ALKBH1: variants seen among roughly 807,000 people sequenced by gnomAD.
ALKBH1 encodes alkB homolog 1, histone H2A dioxygenase.
Under a neutral mutation model 36.6 loss-of-function variants are expected in ALKBH1, and 31 were observed. The observed-to-expected ratio is 0.85, with a 90% CI of 0.64 to 1.14. ALKBH1 has a LOEUF of 1.14. Ranked by LOEUF, ALKBH1 falls within the 50% of genes most tolerant of loss-of-function variation. The pLI, the probability that ALKBH1 is intolerant of heterozygous loss-of-function variation, is 0.00. For synonymous variants in ALKBH1, 183 were observed against 186.6 expected (o/e 0.98, Z 0.16); for missense variants, 490 against 497.3 (o/e 0.99, Z 0.14).
chr14:77,704,045 T>C (rs1218366703), intron 2 of ALKBH1, among the ~76,000 whole-genome samples: 1 of 152,226 alleles, frequency 6.6e-6, no homozygotes, highest in African/African-American at 2.4e-5. Flanking sequence ...ATTACAATGA[T>C]AATGATAAAT....
At chr14:77,705,633 G>GT (rs1186156194) in intron 1 of ALKBH1, among the ~76,000 whole-genome samples, 1 of 152,154 alleles carries the variant, frequency 6.6e-6, no homozygotes, top group Non-Finnish European at 1.5e-5. Context: ...TTCTTTGTAT[G>GT]TGAGTATCTA....
chr14:77,702,220 G>C (rs2080363242), intron 2 of ALKBH1, among the ~76,000 whole-genome samples: 1 of 152,192 alleles, frequency 6.6e-6, no homozygotes, highest in South Asian at 2.1e-4. Context: ...AGAATTGCTT[G>C]AACCTGGGAG....
At chr14:77,691,150 A>T (rs1350815061) in intron 3 of ALKBH1, among the ~76,000 whole-genome samples, 1 of 152,056 alleles carries the variant, frequency 6.6e-6, no homozygotes, top group African/African-American at 2.4e-5. Context: ...TACGCCATTC[A>T]CTTTGGAAAA....
At chr14:77,701,439 G>A (rs532144147) in intron 2 of ALKBH1, among the ~76,000 whole-genome samples, 14 of 152,144 alleles carry the variant, frequency 9.2e-5, no homozygotes, top group Non-Finnish European at 1.6e-4. Context: ...CAGAACCTAC[G>A]CCTTAACCAC....
chr14:77,702,511 A>T (rs913667904), intron 2 of ALKBH1, among the ~76,000 whole-genome samples: 3 of 152,140 alleles, frequency 2.0e-5, no homozygotes, highest in African/African-American at 4.8e-5. Context: ...TGGCACAATG[A>T]AAACTAACAT....
chr14:77,703,287 T>C (rs902194764), intron 2 of ALKBH1, among the ~76,000 whole-genome samples: 3 of 151,532 alleles, frequency 2.0e-5, no homozygotes, highest in Non-Finnish European at 2.9e-5. Flanking sequence ...CTGGTCCCTA[T>C]TAGGACTTTC....
intron 4 of ALKBH1, among the ~76,000 whole-genome samples, chr14:77,676,506 A>C (rs2080206897): frequency 6.6e-6 from 1 of 152,212 alleles, no homozygotes; most frequent in African/African-American, 2.4e-5. Context: ...CCAAGGAAAC[A>C]CAAGGACTAA....
intron 5 of ALKBH1, among the ~76,000 whole-genome samples, chr14:77,674,605 T>G (rs1036834205): frequency 1.3e-5 from 2 of 152,178 alleles, no homozygotes; most frequent in Admixed American, 6.5e-5. Context: ...GTGGCTGGAG[T>G]GCAGCGGCGC....
intron 2 of ALKBH1, among the ~76,000 whole-genome samples, chr14:77,699,292 C>T (rs985459652): frequency 2.0e-5 from 3 of 152,148 alleles, no homozygotes; most frequent in South Asian, 4.1e-4. Flanking sequence ...GACACTGAGC[C>T]GAGAGCCTAA....
At chr14:77,702,467 C>T (rs1429686844) in intron 2 of ALKBH1, among the ~76,000 whole-genome samples, 1 of 151,726 alleles carries the variant, frequency 6.6e-6, no homozygotes, top group Non-Finnish European at 1.5e-5. Flanking sequence ...GTGGTCATAA[C>T]GTATTAAGAG....
chr14:77,686,663 C>T (rs1002805002), intron 3 of ALKBH1, among the ~76,000 whole-genome samples: 40 of 152,228 alleles, frequency 2.6e-4, no homozygotes, highest in African/African-American at 7.7e-4. Context: ...CTCGTTTTGT[C>T]GCCAGGCTGG....
chr14:77,698,785 CAG>C (rs2080342898), intron 2 of ALKBH1, among the ~76,000 whole-genome samples: 2 of 152,132 alleles, frequency 1.3e-5, no homozygotes, highest in African/African-American at 4.8e-5. Context: ...TTTTTTGAGA[CAG>C]AGTCTTGCTC....
At chr14:77,679,013 A>G (rs1210779742) in intron 4 of ALKBH1, among the ~76,000 whole-genome samples, 3 of 151,956 alleles carry the variant, frequency 2.0e-5, no homozygotes, top group African/African-American at 7.3e-5. Flanking sequence ...ATGGGGTTTC[A>G]CTATGTTGCC....
intron 2 of ALKBH1, among the ~76,000 whole-genome samples, chr14:77,699,603 T>C (rs1182588294): frequency 6.6e-6 from 1 of 152,166 alleles, no homozygotes; most frequent in Non-Finnish European, 1.5e-5. Flanking sequence ...GCTTCACTGA[T>C]TCATCCCTCT....
At chr14:77,699,064 C>A (rs369618353) in intron 2 of ALKBH1, among the ~76,000 whole-genome samples, 2 of 152,252 alleles carry the variant, frequency 1.3e-5, no homozygotes, top group Non-Finnish European at 2.9e-5. Flanking sequence ...TGAGCCACTG[C>A]GCTTGCCCTT....
intron 3 of ALKBH1, among the ~76,000 whole-genome samples, chr14:77,694,245 T>C (rs188772977): frequency 6.6e-6 from 1 of 152,304 alleles, no homozygotes; most frequent in African/African-American, 2.4e-5. Flanking sequence ...CTGACCCTCA[T>C]TAAGTATTTG....
chr14:77,689,638 CAG>C (rs897404942), intron 3 of ALKBH1, among the ~76,000 whole-genome samples: 10 of 151,898 alleles, frequency 6.6e-5, no homozygotes, highest in Non-Finnish European at 1.3e-4. Flanking sequence ...TGGAAGGAGA[CAG>C]GGGTAGATAA....
chr14:77,687,550 C>T (rs906448658), intron 3 of ALKBH1, among the ~76,000 whole-genome samples: 2 of 151,812 alleles, frequency 1.3e-5, no homozygotes, highest in Admixed American at 1.3e-4. Flanking sequence ...CAGCATTTGC[C>T]TTCCTCACTC....
chr14:77,698,397 T>C (rs1040656034), intron 2 of ALKBH1, among the ~76,000 whole-genome samples: 2 of 152,142 alleles, frequency 1.3e-5, no homozygotes, highest in Admixed American at 1.3e-4. Context: ...TGCTTATAAG[T>C]GTTGGGGGCA....
Sources: gnomAD v4.1 joint callset for allele counts (sites outside exome capture counted in the v4.1 genomes callset) on GRCh38, gnomAD v4.1.1 for gene constraint, MANE v1.5 for transcripts, NCBI Gene and HGNC (gene_info 2026-07-23, HGNC 2026-07-21) for gene names.